The following CTH variants were observed in gnomAD, a reference collection of about 807,000 sequenced individuals.
CTH encodes the protein cystathionase (cystathionine gamma-lyase).
CTH carries 41 observed loss-of-function variants against 50.6 expected under a neutral mutation model. The observed-to-expected ratio is 0.81, with a 90% CI of 0.63 to 1.05. The LOEUF (loss-of-function observed/expected upper bound fraction) is 1.05. CTH is among the 50% of genes least tolerant of loss of function. The probability of loss-of-function intolerance (pLI) is 0.00; values close to 1 mark genes in which losing one functional copy is unlikely to be tolerated. For synonymous variants in CTH, 156 were observed against 168.9 expected (o/e 0.92, Z 0.59); for missense variants, 470 against 492.6 (o/e 0.95, Z 0.43).
At chr1:70,434,684 G>A (rs1354377747) in intron 9 of CTH, among the ~76,000 whole-genome samples, 4 of 151,458 alleles carry the variant, frequency 2.6e-5, no homozygotes, top group Non-Finnish European at 4.4e-5. Flanking sequence ...GTATAACTTG[G>A]GAAGCATTTA....
intron 10 of CTH, among the ~76,000 whole-genome samples, chr1:70,435,724 A>G (rs542171916): frequency 6.6e-6 from 1 of 152,200 alleles, no homozygotes; most frequent in East Asian, 1.9e-4. Flanking sequence ...GCCCTTCAGT[A>G]TCTAACCCAA....
intron 4 of CTH, among the ~76,000 whole-genome samples, chr1:70,423,501 G>T (rs1011635951): frequency 2.6e-5 from 4 of 151,848 alleles, no homozygotes; most frequent in Non-Finnish European, 5.9e-5. Context: ...GGCCTGAAAG[G>T]TCGAAGCTGC....
intron 5 of CTH, among the ~76,000 whole-genome samples, chr1:70,429,150 A>G (rs1408020489): frequency 6.6e-6 from 1 of 152,188 alleles, no homozygotes; most frequent in Non-Finnish European, 1.5e-5. Context: ...TTGTTACACT[A>G]TATTGTTTAG....
At chr1:70,416,944 CG>C (rs1684106571) in intron 2 of CTH, among the ~76,000 whole-genome samples, 1 of 151,882 alleles carries the variant, frequency 6.6e-6, no homozygotes, top group South Asian at 2.1e-4. Flanking sequence ...CTGCCCACCT[CG>C]GCCTCCCAAA....
intron 7 of CTH, 38 bp downstream of exon 7, chr1:70,430,432 C>A: frequency 1.1e-6 from 1 of 925,354 alleles, no homozygotes; most frequent in South Asian, 1.3e-5. Context: ...ATGACACTCT[C>A]AGTGACTACA....
intron 9 of CTH, 140 bp downstream of exon 9, chr1:70,434,089 G>T: frequency 6.9e-7 from 1 of 1,452,552 alleles, no homozygotes. Context: ...AAATGCATTG[G>T]GTTGAAAACA....
At chr1:70,424,552 G>A in intron 5 of CTH, 136 bp downstream of exon 5, 1 of 1,447,838 alleles carries the variant, frequency 6.9e-7, no homozygotes, top group East Asian at 2.4e-5. Context: ...ACTGGATCGA[G>A]AATTAAATTT....
At chr1:70,427,741 C>G (rs1255033208) in intron 5 of CTH, among the ~76,000 whole-genome samples, 2 of 152,168 alleles carry the variant, frequency 1.3e-5, no homozygotes, top group Non-Finnish European at 2.9e-5. Flanking sequence ...GAAATGGAGT[C>G]TTGCTCTGTC....
chr1:70,421,530 G>GTTC (rs773635566), intron 3 of CTH, 36 bp from the exon 4 acceptor site: 30 of 1,597,788 alleles, frequency 1.9e-5, no homozygotes, highest in Non-Finnish European at 2.6e-5. Context: ...TTAATGCAAT[G>GTTC]TTCTTTTCAT....
intron 5 of CTH, among the ~76,000 whole-genome samples, chr1:70,425,954 C>G (rs1212691324): frequency 6.6e-6 from 1 of 152,066 alleles, no homozygotes; most frequent in African/African-American, 2.4e-5. Context: ...ACCCTAATCA[C>G]CTCCCAAAGG....
chr1:70,421,263 TATG>T (rs1382617596), intron 3 of CTH, among the ~76,000 whole-genome samples: 2 of 152,232 alleles, frequency 1.3e-5, no homozygotes, highest in Non-Finnish European at 2.9e-5. Flanking sequence ...TTTGAAAAGA[TATG>T]ATGTTTCAGG....
chr1:70,427,573 G>A (rs1684370934), intron 5 of CTH, among the ~76,000 whole-genome samples: 1 of 151,892 alleles, frequency 6.6e-6, no homozygotes, highest in Non-Finnish European at 1.5e-5. Flanking sequence ...ATCCCTTTAG[G>A]AACCCTAAAT....
intron 10 of CTH, among the ~76,000 whole-genome samples, chr1:70,436,395 A>G (rs75687565): frequency 0.014 from 2,186 of 152,252 alleles, 43 homozygotes; most frequent in African/African-American, 0.05. Context: ...CCCCCCAAGC[A>G]TTCCTGATAT....
At position 70,411,342 on chromosome 1, in the gene CTH, C is replaced by T; in HGVS notation, c.-74C>T. On this transcript the variant is annotated 5_prime_UTR_variant, in exon 1 of 12. Transcript: ENST00000370938. ...TCTCGCCTGATCCTTCTGTCTCTCC[C>T]AACCCCGGACACCCGGCTTCGACTG... The T allele has an allele frequency of 6.6e-7, 1 of 1,523,128 alleles. No individual in the cohort carries two copies. Among genetic ancestry groups the T allele is most frequent in the Non-Finnish European group, 9.1e-7 (1 of 1,097,430 alleles). 94.4% of individuals were successfully genotyped at this position (1,523,128 alleles called of 1,614,324 possible). A position where few individuals can be genotyped will look rare whatever the true frequency, so the allele number is the denominator to read the frequency against.
chr1:70,429,689 T>C lies in CTH; in HGVS notation c.589-105T>C, dbSNP rs1684421836. 16 of 813,542 alleles carry C rather than the reference T, an allele frequency of 2.0e-5. No homozygotes were observed. The South Asian group carries it at 2.4e-4, about 12-fold the overall frequency. 50.4% of individuals were successfully genotyped at this position (813,542 alleles called of 1,614,324 possible). A position where few individuals can be genotyped will look rare whatever the true frequency, so the allele number is the denominator to read the frequency against. ...TAAGATGCACATACTTTTGCAAAGT[T>C]AGTATTGATTAGAATAAGAATGGAA... On this transcript the variant is annotated intron_variant, in intron 5 of 11. Transcript: ENST00000370938.
intron 3 of CTH, among the ~76,000 whole-genome samples, chr1:70,420,983 T>A (rs1046947878): frequency 2.0e-5 from 3 of 152,100 alleles, no homozygotes; most frequent in Admixed American, 6.5e-5. Flanking sequence ...TTCTTTAAGT[T>A]TTTATGTGTA....
intron 3 of CTH, among the ~76,000 whole-genome samples, chr1:70,419,407 C>G (rs1397083371): frequency 6.6e-6 from 1 of 152,222 alleles, no homozygotes; most frequent in East Asian, 1.9e-4. Context: ...ACACTGACTT[C>G]TACAATGGTT....
intron 4 of CTH, among the ~76,000 whole-genome samples, chr1:70,423,330 G>C (rs1422813117): frequency 6.6e-6 from 1 of 151,888 alleles, no homozygotes; most frequent in Non-Finnish European, 1.5e-5. Flanking sequence ...CCAGCACTTT[G>C]GGAGGCTGAG....
At chr1:70,424,550 G>C in intron 5 of CTH, 134 bp downstream of exon 5, 1 of 1,454,722 alleles carries the variant, frequency 6.9e-7, no homozygotes, top group Non-Finnish European at 9.3e-7. Context: ...TTACTGGATC[G>C]AGAATTAAAT....
Sources: gnomAD v4.1 joint callset for allele counts (sites outside exome capture counted in the v4.1 genomes callset) on GRCh38, gnomAD v4.1.1 for gene constraint, MANE v1.5 for transcripts, NCBI Gene and HGNC (gene_info 2026-07-23, HGNC 2026-07-21) for gene names.